RYR1: variants seen among roughly 807,000 people sequenced by gnomAD.
RYR1 encodes the protein central core disease of muscle.
In RYR1, 342 loss-of-function variants were observed where a neutral mutation model predicts 583.5. That is an observed-to-expected ratio of 0.59 (90% CI 0.54 to 0.64). RYR1 has a LOEUF of 0.64. Ranked by LOEUF, RYR1 falls within the 30% of genes least tolerant of loss-of-function variation. RYR1 has a pLI of 0.00. For missense variants in RYR1, 6,032 were observed against 6,917.2 expected (o/e 0.87, Z 4.54); for synonymous variants, 2,791 against 2,822.5 (o/e 0.99, Z 0.35).
chr19:38,573,049 T>G, intron 95 of RYR1, 128 bp from the exon 96 acceptor site: 1 of 1,458,362 alleles, frequency 6.9e-7, no homozygotes, highest in Admixed American at 1.7e-5. Context: ...ATTTCTACCC[T>G]TATCACTGGG....
intron 29 of RYR1, among the ~76,000 whole-genome samples, chr19:38,475,864 A>G (rs1239175991): frequency 6.6e-6 from 1 of 152,218 alleles, no homozygotes; most frequent in African/African-American, 2.4e-5. Context: ...CAAATCCAAA[A>G]TATTTCATAG....
chr19:38,442,436 G>A lies in RYR1; in HGVS notation c.253G>A (p.Val85Met). The change falls in exon 3 of 106, where the codon GTG becomes ATG. Residue 85 changes from valine (V) to methionine (M), a missense_variant. Physicochemically the swap from Val to Met is conservative, Grantham distance 21. This residue lies in a region of RYR1 where 338 missense variants were observed against 441.6 expected (regional missense o/e 0.77). Transcript: ENST00000359596. ...CCTGCAGGAGATGCTGGCTAACACG[G>A]TGGAGGCTGGCGTGGAGGTGAGGAC... ...RALQEMLANT[V>M]EAGVESSQGG... 1 of 1,613,596 alleles carries A rather than the reference G, an allele frequency of 6.2e-7. No homozygotes were observed. Among genetic ancestry groups the A allele is most frequent in the Non-Finnish European group, 8.5e-7 (1 of 1,179,702 alleles).
intron 56 of RYR1, 50 bp from the exon 57 acceptor site, chr19:38,506,779 G>A: frequency 6.2e-7 from 1 of 1,613,524 alleles, no homozygotes; most frequent in South Asian, 1.1e-5. Context: ...TTCAGTGAGA[G>A]TGGCCCGGGT....
At position 38,536,008 on chromosome 19, in the gene RYR1, T is replaced by C. The variant is rs150478499; in HGVS notation, c.11528T>C (p.Leu3843Pro). ...ALMQTCSVLDLNAFERQNKAE... is the reference protein window; with the variant it reads ...ALMQTCSVLDPNAFERQNKAE... ...TTTCTTTTCCTCAGCGTCCTGGATCTCAATGCCTTTGAGAGACAGAACAAG... is the reference window on the plus strand; with the variant it reads ...TTTCTTTTCCTCAGCGTCCTGGATCCCAATGCCTTTGAGAGACAGAACAAG... The change falls in exon 82 of 106, where the codon CTC becomes CCC. Residue 3843 changes from leucine (L) to proline (P), a missense_variant. Physicochemically the swap from Leu to Pro is moderately conservative, Grantham distance 98. Transcript: ENST00000359596. The C allele has an allele frequency of 3.1e-6, 5 of 1,613,888 alleles. No individual in the cohort carries two copies. The highest frequency in any genetic ancestry group is 1.7e-5 in the Admixed American group (1 of 59,990).
Position 38,539,388 on chromosome 19 carries a change from A to G in RYR1, c.11689+1428A>G, listed in dbSNP as rs187975973. On this transcript the variant is annotated intron_variant, in intron 84 of 105. Coordinates refer to ENST00000359596, the MANE Select transcript of RYR1 (RefSeq NM_000540.3). ...CGAGTATCCAGGACTACAGGCATGCATCACCATGTCTGGCTAAGTTTTTTA... is the reference window on the plus strand; with the variant it reads ...CGAGTATCCAGGACTACAGGCATGCGTCACCATGTCTGGCTAAGTTTTTTA... 3.3e-5 allele frequency among the ~76,000 whole-genome samples: 5 copies of G among 151,914 alleles called. No individual in the cohort carries two copies. The East Asian group carries it at 9.7e-4, about 29-fold the overall frequency.
chr19:38,497,012 C>T, intron 42 of RYR1, 58 bp downstream of exon 42: 1 of 1,428,682 alleles, frequency 7.0e-7, no homozygotes, highest in Non-Finnish European at 9.8e-7. Context: ...CGCTACCCGG[C>T]TGCTTGGGAC....
intron 38 of RYR1, among the ~76,000 whole-genome samples, 159 bp from the exon 39 acceptor site, chr19:38,494,193 T>A (rs1366284940): frequency 1.3e-5 from 2 of 152,152 alleles, no homozygotes; most frequent in Non-Finnish European, 2.9e-5. Flanking sequence ...GAAAACAATC[T>A]GCTAGAATCT....
intron 57 of RYR1, 131 bp from the exon 58 acceptor site, chr19:38,507,581 T>C: frequency 1.4e-6 from 1 of 718,958 alleles, no homozygotes; most frequent in Non-Finnish European, 2.6e-6. Flanking sequence ...GGACTCAGAG[T>C]GGAGCCCCAA....
chr19:38,470,122 C>T (rs963898337), intron 27 of RYR1, among the ~76,000 whole-genome samples: 11 of 150,528 alleles, frequency 7.3e-5, no homozygotes, highest in Admixed American at 2.7e-4. Context: ...GCCAAGATTG[C>T]GCCCTTGCAC....
chr19:38,494,251 C>G, intron 38 of RYR1, 101 bp from the exon 39 acceptor site: 1 of 1,440,872 alleles, frequency 6.9e-7, no homozygotes, highest in South Asian at 1.2e-5. Context: ...ACTGGGAAAA[C>G]TTCTGGAACA....
chr19:38,455,595 C>T, intron 15 of RYR1, 38 bp from the exon 16 acceptor site: 2 of 1,606,674 alleles, frequency 1.2e-6, no homozygotes, highest in Non-Finnish European at 1.7e-6. Flanking sequence ...AGGGGATGGG[C>T]ATGGCCGCTT....
In RYR1 at chr19:38,444,253, C is replaced by T. The variant is rs193922757; in HGVS notation, c.529C>T (p.Arg177Cys). 3.7e-6 allele frequency: 6 copies of T among 1,612,754 alleles called. No individual in the cohort carries two copies. The highest frequency in any genetic ancestry group is 2.5e-6 in the Non-Finnish European group (3 of 1,178,936). The change falls in exon 6 of 106, where the codon CGC becomes TGC. Residue 177 changes from arginine to cysteine, a missense_variant. Physicochemically the swap from Arg to Cys is radical, Grantham distance 180 (BLOSUM62 -3). Around this residue, in one of 11 missense-constraint regions of RYR1, gnomAD observed 338 missense variants for 441.6 expected, o/e 0.77. Transcript: ENST00000359596. The surrounding 1 kb of genome is among the most constrained non-coding windows in gnomAD (Gnocchi z 5.1). The part of the protein sequence containing the change: ...DIILVSVSSE[R>C]YLHLSTASGE... The stretch of plus-strand genomic sequence containing the variant: ...CATCCTTGTCAGTGTCTCCTCCGAG[C>T]GCTACCTGGTGAGCCATTGCGGTTC...
rs201938317 is a variant in RYR1, at chr19:38,442,360, C to T, written c.177C>T (p.Pro59=). ...EPTSNAQNVP[P]DLAICCFVLE... ...CCCTCCCACCCCAGAATGTGCCCCC[C>T]GATCTGGCCATCTGTTGCTTCGTCC... Residue 59 remains proline, a synonymous_variant, in exon 3 of 106, where the codon CCC becomes CCT. Transcript: ENST00000359596. The T allele has an allele frequency of 7.6e-5, 122 of 1,612,986 alleles. No homozygotes were observed. The highest frequency in any genetic ancestry group is 3.3e-4 in the Middle Eastern group (2 of 6,052).
Position 38,511,607 on chromosome 19 carries a change from T to C in RYR1, c.9169T>C (p.Phe3057Leu), listed in dbSNP as rs765547365. Reference protein sequence around the residue: ...AALVRHRVSLFGTDAPAVVNC... With the variant: ...AALVRHRVSLLGTDAPAVVNC... ...TCTCGTCCGCCACCGAGTCTCTCTC[T>C]TTGGTAAGTGGCTCCACACCTTCGG... Residue 3057 changes from phenylalanine to leucine, a missense_variant, in exon 61 of 106, where the codon TTT (phenylalanine) becomes CTT (leucine). This residue lies in a region of RYR1 where 1,493 missense variants were observed against 1,715.5 expected (regional missense o/e 0.87). Coordinates refer to ENST00000359596, the MANE Select transcript of RYR1 (RefSeq NM_000540.3). The C allele has an allele frequency of 6.2e-7, 1 of 1,614,118 alleles. No individual in the cohort carries two copies. Among genetic ancestry groups the C allele is most frequent in the South Asian group, 1.1e-5 (1 of 91,076 alleles).
At chr19:38,523,338 TG>T in intron 69 of RYR1, 29 bp downstream of exon 69, 1 of 1,613,796 alleles carries the variant, frequency 6.2e-7, no homozygotes, top group Non-Finnish European at 8.5e-7. Context: ...GAGGAGCACT[TG>T]GCAGAGAGGG....
chr19:38,564,130 G>C (rs1210245784), intron 90 of RYR1, among the ~76,000 whole-genome samples: 1 of 152,224 alleles, frequency 6.6e-6, no homozygotes, highest in African/African-American at 2.4e-5. Context: ...TGTAATCCCA[G>C]CACTTTGGGA....
rs138549127 is a variant in RYR1, at chr19:38,472,773, T to C, written c.3766-604T>C. 5.1e-3 allele frequency among the ~76,000 whole-genome samples: 745 copies of C among 146,896 alleles called. 5 individuals carry two copies. Among genetic ancestry groups the C allele is most frequent in the African/African-American group, 0.017 (695 of 39,724 alleles). On this transcript the variant is annotated intron_variant, in intron 27 of 105. Transcript: ENST00000359596. ...CATGCTTGAATCCAGGAGGCAGAGGTTGCAGTGAGCCAAGATCACACCATT... is the reference window on the plus strand; with the variant it reads ...CATGCTTGAATCCAGGAGGCAGAGGCTGCAGTGAGCCAAGATCACACCATT...
rs1360923878 is a variant in RYR1 at position 38,546,409 on chromosome 19, T to C, written c.12013-36T>C. ...AAGCAACAGAGGTGGGGGAGGTGTA[T>C]GCTGAGACCAGCCCTCACCGAGCTG... On this transcript the variant is annotated intron_variant, in intron 87 of 105. Coordinates refer to ENST00000359596, the MANE Select transcript of RYR1 (RefSeq NM_000540.3). 4 of 1,587,014 alleles carry C rather than the reference T, an allele frequency of 2.5e-6. No individual in the cohort carries two copies. In the African/African-American group the frequency reaches 4.0e-5, roughly 16 times the overall value.
intron 19 of RYR1, among the ~76,000 whole-genome samples, chr19:38,459,636 G>A (rs1189295776): frequency 6.7e-6 from 1 of 149,694 alleles, no homozygotes; most frequent in Non-Finnish European, 1.5e-5. Flanking sequence ...ACCTCCCAAT[G>A]ACCTCAGACT....
Sources: gnomAD v4.1 joint callset for allele counts (sites outside exome capture counted in the v4.1 genomes callset) on GRCh38, gnomAD v4.1.1 for gene constraint, gnomAD v4.1.1 regional missense constraint, Gnocchi (gnomAD v3.1) non-coding constraint, MANE v1.5 for transcripts, NCBI Gene and HGNC (gene_info 2026-07-23, HGNC 2026-07-21) for gene names.